PPME1: variants seen among roughly 807,000 people sequenced by gnomAD.
PPME1 encodes the protein testicular secretory protein Li 39.
PPME1 carries 17 observed loss-of-function variants against 56.9 expected under a neutral mutation model. The observed-to-expected ratio is 0.30, with a 90% CI of 0.20 to 0.45. The LOEUF (loss-of-function observed/expected upper bound fraction) is 0.45. Among genes scored for constraint, PPME1 ranks in the 20% least tolerant of loss-of-function variants. The pLI, the probability that PPME1 is intolerant of heterozygous loss-of-function variation, is 1.00. For synonymous variants in PPME1, 122 were observed against 156.2 expected (o/e 0.78, Z 1.63); for missense variants, 357 against 483.2 (o/e 0.74, Z 2.45).
chr11:74,223,355 G>A (rs1490344885), intron 4 of PPME1, among the ~76,000 whole-genome samples: 1 of 150,500 alleles, frequency 6.6e-6, no homozygotes, highest in Non-Finnish European at 1.5e-5. Context: ...TTGGACATTT[G>A]GGTTGGTTCC....
At chr11:74,175,215 C>G (rs1038631764) in intron 1 of PPME1, among the ~76,000 whole-genome samples, 62 of 152,082 alleles carry the variant, frequency 4.1e-4, no homozygotes, top group African/African-American at 1.4e-3. Context: ...AGTAGTTGTA[C>G]TTTTTGGCCA....
At chr11:74,238,940 A>G (rs1859271121) in intron 8 of PPME1, 193 bp from the exon 9 acceptor site, 1 of 541,296 alleles carries the variant, frequency 1.8e-6, no homozygotes, top group African/African-American at 1.9e-5. Context: ...ACTGGAAACC[A>G]GCCCTTGGAG....
At chr11:74,207,774 C>T (rs1308496651) in intron 3 of PPME1, among the ~76,000 whole-genome samples, 1 of 152,138 alleles carries the variant, frequency 6.6e-6, no homozygotes, top group Non-Finnish European at 1.5e-5. Flanking sequence ...ATGAGAGGAA[C>T]AGTGGGATCT....
intron 1 of PPME1, among the ~76,000 whole-genome samples, chr11:74,192,149 C>T (rs935375678): frequency 6.6e-6 from 1 of 152,228 alleles, no homozygotes; most frequent in African/African-American, 2.4e-5. Context: ...GAGCCCACCC[C>T]TCACACCAGT....
In PPME1 at chr11:74,247,136, G is replaced by T; in HGVS notation, c.1009+13G>T. 1.2e-6 allele frequency: 2 copies of T among 1,604,440 alleles called. No homozygotes were observed. Among genetic ancestry groups the T allele is most frequent in the Non-Finnish European group, 1.7e-6 (2 of 1,171,900 alleles). Reference sequence around the variant, plus strand: ...GGCCAGATGCAAGGTAAGTTATCAAGAAATTATACCCCTGGACCCTTTTCT... The same window carrying T: ...GGCCAGATGCAAGGTAAGTTATCAATAAATTATACCCCTGGACCCTTTTCT... On this transcript the variant is annotated intron_variant, in intron 11 of 13. Transcript: ENST00000328257.
chr11:74,172,889 T>G (rs1857307801), intron 1 of PPME1, among the ~76,000 whole-genome samples: 1 of 152,046 alleles, frequency 6.6e-6, no homozygotes, highest in Admixed American at 6.6e-5. Flanking sequence ...GTGTAAAAAC[T>G]TATCAAAAAG....
At chr11:74,243,677 A>AG (rs1329542671) in intron 9 of PPME1, 9 of 152,278 alleles carry the variant, frequency 5.9e-5, no homozygotes, top group Admixed American at 5.9e-4. Flanking sequence ...GGCCCAAAGA[A>AG]GGGAAGGGAT....
At chr11:74,217,992 CT>C (rs1317439237) in intron 3 of PPME1, among the ~76,000 whole-genome samples, 15 of 152,110 alleles carry the variant, frequency 9.9e-5, no homozygotes, top group African/African-American at 3.4e-4. Context: ...GTAAATTATC[CT>C]GTTTTGCAGA....
rs765251979 is a variant in PPME1 at position 74,230,964 on chromosome 11, TAAAACCTTC to T, written c.609_617del (p.Thr204_Lys206del). On this transcript the variant is annotated inframe_deletion, in exon 7 of 14. Coordinates refer to ENST00000328257, the MANE Select transcript of PPME1 (RefSeq NM_016147.3). This position sits in a 1 kb window ranked among gnomAD's most constrained non-coding sequence, Gnocchi z 4.9. The stretch of plus-strand genomic sequence containing the variant: ...TGCAGAATTTCTTACGGGGTCGTCC[TAAAACCTTC>T]AAGTCTCTGGAGAATGCTATTGAAT... The T allele has an allele frequency of 6.2e-7, 1 of 1,604,666 alleles. No homozygotes were observed. Among genetic ancestry groups the T allele is most frequent in the Non-Finnish European group, 8.5e-7 (1 of 1,175,440 alleles).
intron 9 of PPME1, among the ~76,000 whole-genome samples, chr11:74,240,073 A>G (rs1859317844): frequency 6.7e-6 from 1 of 149,938 alleles, no homozygotes; most frequent in Middle Eastern, 3.4e-3. Flanking sequence ...AGCTGGGACT[A>G]CAGGTGCGTG....
At chr11:74,216,938 G>A (rs1858661981) in intron 3 of PPME1, among the ~76,000 whole-genome samples, 2 of 152,070 alleles carry the variant, frequency 1.3e-5, no homozygotes, top group Non-Finnish European at 2.9e-5. Context: ...TCCAAAACCT[G>A]AACAGACCAA....
chr11:74,238,996 C>A, intron 8 of PPME1, 137 bp from the exon 9 acceptor site: 1 of 873,118 alleles, frequency 1.1e-6, no homozygotes, highest in Non-Finnish European at 1.7e-6. Flanking sequence ...TGGAAATGCA[C>A]AATTCTATCC....
At position 74,251,731 on chromosome 11, in the gene PPME1, G is replaced by A. The variant is rs750321437; in HGVS notation, c.1142+16G>A. ...GATTCCAGTGGTAAGGCGGGTACAA[G>A]GGTTTAAGAACCCAGCAGTGCTGGC... On this transcript the variant is annotated intron_variant, in intron 13 of 13. Coordinates refer to ENST00000328257, the MANE Select transcript of PPME1 (RefSeq NM_016147.3). 32 of 1,613,782 alleles carry A rather than the reference G, an allele frequency of 2.0e-5. No homozygotes were observed. Among genetic ancestry groups the A allele is most frequent in the Non-Finnish European group, 2.5e-5 (29 of 1,179,798 alleles).
At chr11:74,195,346 T>C (rs1399904552) in intron 1 of PPME1, among the ~76,000 whole-genome samples, 1 of 152,214 alleles carries the variant, frequency 6.6e-6, no homozygotes, top group Admixed American at 6.5e-5. Flanking sequence ...TTATTTAGCT[T>C]TGCCTGTTTT....
chr11:74,217,853 C>T (rs1858696816), intron 3 of PPME1, among the ~76,000 whole-genome samples: 1 of 152,032 alleles, frequency 6.6e-6, no homozygotes. Flanking sequence ...AAGTTGAAAC[C>T]TTTCTTGTAA....
chr11:74,239,518 T>G (rs1430713852), intron 9 of PPME1, among the ~76,000 whole-genome samples: 1 of 151,854 alleles, frequency 6.6e-6, no homozygotes. Context: ...TTCCTGTGTT[T>G]CCTCCCATGA....
intron 1 of PPME1, chr11:74,198,654 T>C (rs985601570): frequency 1.3e-5 from 2 of 151,690 alleles, no homozygotes; most frequent in Non-Finnish European, 2.9e-5. Context: ...GGTCTTGTTG[T>C]GTTGCCCAGG....
At chr11:74,197,848 T>G (rs1222412072) in intron 1 of PPME1, among the ~76,000 whole-genome samples, 1 of 152,192 alleles carries the variant, frequency 6.6e-6, no homozygotes, top group African/African-American at 2.4e-5. Context: ...GCATGAACCC[T>G]CTGGATTGAG....
intron 4 of PPME1, among the ~76,000 whole-genome samples, chr11:74,223,392 G>T (rs1223006855): frequency 1.3e-5 from 2 of 148,776 alleles, no homozygotes; most frequent in South Asian, 2.1e-4. Context: ...GAATAATGCC[G>T]CAATAAACAT....
Sources: allele counts gnomAD v4.1 joint callset (sites outside exome capture counted in the v4.1 genomes callset), GRCh38; gene constraint gnomAD v4.1.1; non-coding constraint Gnocchi (gnomAD v3.1); transcripts MANE v1.5; gene names NCBI Gene and HGNC (gene_info 2026-07-23, HGNC 2026-07-21).